NUP160: variants seen among roughly 807,000 people sequenced by gnomAD.
NUP160 encodes the protein nucleoporin 160.
A neutral mutation model predicts 196.9 loss-of-function variants in NUP160; 94 were observed. The observed-to-expected ratio is 0.48, with a 90% CI of 0.40 to 0.57. NUP160 has a LOEUF of 0.57. NUP160 is among the 20% of genes least tolerant of loss of function. NUP160 has a pLI of 0.00. For missense variants in NUP160, 1,638 were observed against 1,748.3 expected, an observed-to-expected ratio of 0.94 and a Z score of 1.13; for synonymous variants, 605 against 619.7, an observed-to-expected ratio of 0.98 and a Z score of 0.35.
At chr11:47,801,436 C>T (rs1451800695) in intron 23 of NUP160, among the ~76,000 whole-genome samples, 3 of 152,082 alleles carry the variant, frequency 2.0e-5, no homozygotes, top group East Asian at 3.9e-4. Flanking sequence ...CTACAACCTC[C>T]ACCTCAAAGT....
intron 7 of NUP160, among the ~76,000 whole-genome samples, chr11:47,829,597 G>T (rs752728701): frequency 4.3e-4 from 65 of 152,142 alleles, no homozygotes; most frequent in African/African-American, 1.5e-3. Flanking sequence ...ATGAGCCACC[G>T]CACTGGCCTG....
intron 17 of NUP160, among the ~76,000 whole-genome samples, chr11:47,810,276 C>A (rs1013962565): frequency 6.6e-6 from 1 of 152,028 alleles, no homozygotes; most frequent in Non-Finnish European, 1.5e-5. Flanking sequence ...CAGCTCACTG[C>A]AGCCTCAACC....
chr11:47,803,590 A>C, intron 21 of NUP160, 54 bp from the exon 22 acceptor site: 1 of 929,430 alleles, frequency 1.1e-6, no homozygotes, highest in Non-Finnish European at 1.8e-6. Context: ...ACTTAAGGAG[A>C]TACTCATTCC....
intron 2 of NUP160, among the ~76,000 whole-genome samples, chr11:47,846,641 G>A (rs1022591958): frequency 3.9e-5 from 6 of 152,128 alleles, no homozygotes; most frequent in African/African-American, 1.4e-4. Context: ...TCCCACAATT[G>A]AGCCACCAGC....
At chr11:47,846,229 A>G (rs1384950738) in intron 2 of NUP160, among the ~76,000 whole-genome samples, 1 of 151,890 alleles carries the variant, frequency 6.6e-6, no homozygotes, top group East Asian at 1.9e-4. Context: ...CTCCCACCTC[A>G]GCCCCCCAAA....
At chr11:47,839,291 A>G (rs920139378) in intron 4 of NUP160, among the ~76,000 whole-genome samples, 25 of 152,216 alleles carry the variant, frequency 1.6e-4, no homozygotes, top group Admixed American at 1.4e-3. Context: ...GGGTTTCTCC[A>G]TGTTGGTCAG....
intron 8 of NUP160, 89 bp from the exon 9 acceptor site, chr11:47,821,910 A>G: frequency 9.0e-7 from 1 of 1,109,220 alleles, no homozygotes; most frequent in Non-Finnish European, 1.4e-6. Flanking sequence ...AGGAGAGGTA[A>G]ATGTATGAAA....
At chr11:47,809,547 G>A (rs2097679817) in intron 17 of NUP160, among the ~76,000 whole-genome samples, 1 of 151,900 alleles carries the variant, frequency 6.6e-6, no homozygotes, top group Admixed American at 6.6e-5. Flanking sequence ...CCAGGAGTTC[G>A]AGACCAGTCT....
chr11:47,822,621 G>A (rs1201990571), intron 7 of NUP160, among the ~76,000 whole-genome samples: 2 of 150,282 alleles, frequency 1.3e-5, no homozygotes, highest in African/African-American at 2.5e-5. Flanking sequence ...TGTGCACAAC[G>A]TGCAGGTTTG....
chr11:47,788,593 A>G, exon 30 of NUP160: 3 of 1,613,668 alleles, frequency 1.9e-6, no homozygotes, highest in Non-Finnish European at 2.5e-6. Context: ...CAGTTCCAGG[A>G]TTTCAATTTG....
chr11:47,819,015 TA>T (rs1270092809), intron 10 of NUP160, among the ~76,000 whole-genome samples: 2 of 151,942 alleles, frequency 1.3e-5, no homozygotes, highest in East Asian at 3.9e-4. Context: ...GGGTGTCCCT[TA>T]AAAATGTGGA....
intron 32 of NUP160, 63 bp from the exon 33 acceptor site, chr11:47,785,126 C>A (rs1440168296): frequency 6.8e-6 from 4 of 584,130 alleles, no homozygotes; most frequent in Non-Finnish European, 1.0e-5. Flanking sequence ...GAGTACCATT[C>A]AAAGCATGTA....
In NUP160 at chr11:47,804,371, T is replaced by A. The variant is rs891484162; in HGVS notation, c.2676+178A>T. 1.1e-5 allele frequency: 6 copies of A among 525,990 alleles called. No individual in the cohort carries two copies. In the African/African-American group the frequency reaches 1.2e-4, roughly 11 times the overall value. 32.6% of individuals were successfully genotyped at this position (525,990 alleles called of 1,614,324 possible). On this transcript the variant is annotated intron_variant, in intron 21 of 35. Coordinates refer to ENST00000378460, the Ensembl canonical transcript of NUP160. ...ATTTAGCTTCGTAGATCAGACAAAA[T>A]CAAGCAAGTTCAGGATGGTATAGAA...
At chr11:47,829,028 T>C (rs1852027135) in intron 7 of NUP160, among the ~76,000 whole-genome samples, 2 of 152,184 alleles carry the variant, frequency 1.3e-5, no homozygotes, top group South Asian at 4.2e-4. Flanking sequence ...GTTATGACCT[T>C]AGGTTTGGCA....
At chr11:47,848,068 G>C (rs1190816681) in intron 1 of NUP160, 109 bp from the exon 2 acceptor site, 10 of 1,267,250 alleles carry the variant, frequency 7.9e-6, no homozygotes, top group Non-Finnish European at 1.1e-5. Context: ...ACAAAGAAAA[G>C]AGGAAAACGT....
rs11039400 is a variant in NUP160, at chr11:47,803,576, T to G, written c.2677-40A>C. ...AGGTGCTTTCTGATTAGAAAATAAA[T>G]GTTACTTAAGGAGATACTCATTCCC... On this transcript the variant is annotated intron_variant, in intron 21 of 35. Transcript: ENST00000378460. 1.6e-3 allele frequency: 1,810 copies of G among 1,117,772 alleles called. 23 individuals carry two copies. In the African/African-American group the frequency reaches 0.026, roughly 16 times the overall value. 69.2% of individuals were successfully genotyped at this position (1,117,772 alleles called of 1,614,324 possible).
chr11:47,841,434 C>A, intron 2 of NUP160: 1 of 435,784 alleles, frequency 2.3e-6, no homozygotes. Context: ...GGTTCACAGG[C>A]GCCACTGGCA....
chr11:47,791,224 C>T (rs544088434), intron 29 of NUP160, among the ~76,000 whole-genome samples: 5 of 152,176 alleles, frequency 3.3e-5, no homozygotes, highest in African/African-American at 7.2e-5. Context: ...CCTCAGCTGC[C>T]GGCCTCAATC....
chr11:47,826,250 C>T (rs1851965197), intron 7 of NUP160, among the ~76,000 whole-genome samples: 1 of 152,150 alleles, frequency 6.6e-6, no homozygotes, highest in Admixed American at 6.5e-5. Flanking sequence ...CGGAACTATA[C>T]ATATGCACCA....
Sources: allele counts gnomAD v4.1 joint callset (sites outside exome capture counted in the v4.1 genomes callset), GRCh38; gene constraint gnomAD v4.1.1; transcripts MANE v1.5; gene names NCBI Gene and HGNC (gene_info 2026-07-23, HGNC 2026-07-21).